Variants in NRXN1 observed in about 807,000 individuals in gnomAD.
NRXN1 encodes neurexin-1.
A neutral mutation model predicts 150.9 loss-of-function variants in NRXN1; 39 were observed. The observed-to-expected ratio is 0.26, with a 90% CI of 0.20 to 0.34. NRXN1 has a LOEUF of 0.34. Among genes scored for constraint, NRXN1 ranks in the 10% least tolerant of loss-of-function variants. The pLI, the probability that NRXN1 is intolerant of heterozygous loss-of-function variation, is 1.00. For missense variants in NRXN1, 1,815 were observed against 1,949.9 expected (o/e 0.93, Z 1.30); for synonymous variants, 924 against 757.0 (o/e 1.22, Z -3.62).
chr2:50,483,683 T>C (rs1347403846), intron 15 of NRXN1, among the ~76,000 whole-genome samples: 1 of 152,150 alleles, frequency 6.6e-6, no homozygotes, highest in Non-Finnish European at 1.5e-5. Context: ...AGAATAATAA[T>C]GCCAGCACTT....
At chr2:50,505,132 G>C (rs555998120) in intron 13 of NRXN1, among the ~76,000 whole-genome samples, 4 of 152,062 alleles carry the variant, frequency 2.6e-5, no homozygotes, top group African/African-American at 7.2e-5. Context: ...ATCATGCATT[G>C]TCTGATAAAA....
At chr2:50,764,081 T>G (rs1383204852) in intron 5 of NRXN1, among the ~76,000 whole-genome samples, 2 of 151,130 alleles carry the variant, frequency 1.3e-5, no homozygotes, top group Non-Finnish European at 2.9e-5. Context: ...AGTCCATAGC[T>G]CTCTGTTCTC....
intron 5 of NRXN1, among the ~76,000 whole-genome samples, chr2:50,905,032 C>A (rs1038968576): frequency 6.6e-6 from 1 of 152,076 alleles, no homozygotes; most frequent in Non-Finnish European, 1.5e-5. Context: ...ACTGAAAGAA[C>A]AAGACCCAGG....
At chr2:50,367,024 T>C (rs4377361) in intron 17 of NRXN1, among the ~76,000 whole-genome samples, 63,348 of 151,838 alleles carry the variant, frequency 0.42, 13,457 homozygotes, top group East Asian at 0.57. Flanking sequence ...GTACGCCAGC[T>C]GAGGCCTCCA....
chr2:50,370,472 T>G (rs2079936010), intron 17 of NRXN1, among the ~76,000 whole-genome samples: 1 of 152,040 alleles, frequency 6.6e-6, no homozygotes, highest in Non-Finnish European at 1.5e-5. Flanking sequence ...GTTAGAATGA[T>G]GCTTTCTGGC....
intron 21 of NRXN1, among the ~76,000 whole-genome samples, chr2:49,997,173 G>A (rs1683140166): frequency 6.6e-6 from 1 of 152,034 alleles, no homozygotes; most frequent in African/African-American, 2.4e-5. Flanking sequence ...GACAGTTGGA[G>A]ATGGAAATTC....
rs188849568 is a variant in NRXN1 at position 50,556,678 on chromosome 2, T to C, written c.1321-3653A>G. The stretch of plus-strand genomic sequence containing the variant: ...TTTTCACATTCCTAGGGTTTACCTT[T>C]GAGGAAAACAATCACTGAGTATTAT... On this transcript the variant is annotated intron_variant, in intron 8 of 22. Transcript: ENST00000401669. Among the ~76,000 whole-genome samples the C allele has an allele frequency of 2.0e-4, 31 of 152,258 alleles. No individual in the cohort carries two copies. The East Asian group carries it at 5.6e-3, about 27-fold the overall frequency.
intron 18 of NRXN1, among the ~76,000 whole-genome samples, chr2:50,097,323 C>G (rs751962153): frequency 1.3e-5 from 2 of 152,180 alleles, no homozygotes; most frequent in East Asian, 1.9e-4. Context: ...CAGTCCAGTA[C>G]TCCAGGGCCC....
At chr2:50,376,673 T>C (rs978357257) in intron 17 of NRXN1, among the ~76,000 whole-genome samples, 2 of 152,166 alleles carry the variant, frequency 1.3e-5, no homozygotes, top group South Asian at 4.1e-4. Context: ...ACATGAAGTG[T>C]AGACATAGAG....
intron 18 of NRXN1, among the ~76,000 whole-genome samples, chr2:50,142,712 T>G (rs1707454886): frequency 6.6e-6 from 1 of 151,900 alleles, no homozygotes; most frequent in South Asian, 2.1e-4. Flanking sequence ...ATCAGACCAG[T>G]TAATATATAA....
intron 5 of NRXN1, among the ~76,000 whole-genome samples, chr2:50,772,782 G>T (rs1177846972): frequency 1.3e-5 from 2 of 152,030 alleles, no homozygotes; most frequent in East Asian, 1.9e-4. Context: ...AAAATTGGCA[G>T]GAACAAGTGA....
At chr2:50,367,093 G>A (rs1461610800) in intron 17 of NRXN1, among the ~76,000 whole-genome samples, 1 of 151,854 alleles carries the variant, frequency 6.6e-6, no homozygotes. Context: ...TTTGCTTTGG[G>A]TTTCTCCAGA....
In NRXN1 at chr2:50,058,580, C is replaced by A. The variant is rs113448878; in HGVS notation, c.3719-3536G>T. On this transcript the variant is annotated intron_variant, in intron 19 of 22. Transcript: ENST00000401669. ...TTTGTTCTCCTATTAGAATAAAAAA[C>A]TAATGACTTTTCTGCTGCAAAATTA... 1.4e-4 allele frequency among the ~76,000 whole-genome samples: 21 copies of A among 152,272 alleles called. 2 individuals carry two copies. Among genetic ancestry groups the A allele is most frequent in the African/African-American group, 5.1e-4 (21 of 41,562 alleles).
intron 2 of NRXN1, among the ~76,000 whole-genome samples, chr2:51,016,495 G>A (rs775683769): frequency 9.9e-5 from 15 of 152,092 alleles, no homozygotes; most frequent in Non-Finnish European, 2.2e-4. Context: ...CAACAAATAT[G>A]TGAAAAATAG....
chr2:50,940,318 T>C (rs1277102270), intron 2 of NRXN1, among the ~76,000 whole-genome samples: 2 of 151,488 alleles, frequency 1.3e-5, no homozygotes, highest in Non-Finnish European at 2.9e-5. Context: ...CTACCAAAAA[T>C]ACAAAAATTA....
chr2:50,546,076 G>T (rs1418977561), intron 9 of NRXN1, among the ~76,000 whole-genome samples: 2 of 151,970 alleles, frequency 1.3e-5, no homozygotes, highest in Non-Finnish European at 2.9e-5. Context: ...TGGGGGGCCG[G>T]GCCGACTGTA....
intron 12 of NRXN1, among the ~76,000 whole-genome samples, chr2:50,521,401 G>C (rs1217331082): frequency 6.6e-6 from 1 of 152,120 alleles, no homozygotes; most frequent in Non-Finnish European, 1.5e-5. Flanking sequence ...CAAAGAACAA[G>C]TAATAATAAA....
intron 18 of NRXN1, among the ~76,000 whole-genome samples, chr2:50,134,807 T>C (rs911398187): frequency 6.6e-6 from 1 of 152,202 alleles, no homozygotes; most frequent in Non-Finnish European, 1.5e-5. Context: ...TGTGATACCA[T>C]CATTGATGAA....
At chr2:50,980,266 C>A (rs1321637596) in intron 2 of NRXN1, among the ~76,000 whole-genome samples, 2 of 151,936 alleles carry the variant, frequency 1.3e-5, no homozygotes, top group Non-Finnish European at 2.9e-5. Context: ...ACTACATGTG[C>A]CTGAAGAAAG....
Sources: gnomAD v4.1 joint callset for allele counts (sites outside exome capture counted in the v4.1 genomes callset) on GRCh38, gnomAD v4.1.1 for gene constraint, MANE v1.5 for transcripts, NCBI Gene and HGNC (gene_info 2026-07-23, HGNC 2026-07-21) for gene names.